The following PCDHA3 variants were observed in gnomAD, a reference collection of about 807,000 sequenced individuals.
PCDHA3 encodes the protein protocadherin alpha-3.
In PCDHA3, 41 loss-of-function variants were observed where a neutral mutation model predicts 62.2. That is an observed-to-expected ratio of 0.66 (90% CI 0.51 to 0.86). The LOEUF (loss-of-function observed/expected upper bound fraction) is 0.86. Among genes scored for constraint, PCDHA3 ranks in the 40% least tolerant of loss-of-function variants. The pLI is 0.00. For synonymous variants in PCDHA3, 640 were observed against 555.4 expected, an observed-to-expected ratio of 1.15 and a Z score of -2.14; for missense variants, 1,304 against 1,241.2, an observed-to-expected ratio of 1.05 and a Z score of -0.76.
At chr5:140,928,337 AT>A (rs549164954) in intron 1 of PCDHA3, 7 of 1,613,944 alleles carry the variant, frequency 4.3e-6, no homozygotes, top group Non-Finnish European at 5.9e-6. Flanking sequence ...CTTGTCTCTT[AT>A]GAGCTGTTGG....
At chr5:140,991,109 C>A (rs987847767) in intron 3 of PCDHA3, among the ~76,000 whole-genome samples, 1 of 152,156 alleles carries the variant, frequency 6.6e-6, no homozygotes, top group Non-Finnish European at 1.5e-5. Flanking sequence ...AATTAAGTGG[C>A]TTTCTTACAT....
At chr5:140,880,663 G>A (rs1324939406) in intron 1 of PCDHA3, among the ~76,000 whole-genome samples, 1 of 152,210 alleles carries the variant, frequency 6.6e-6, no homozygotes, top group African/African-American at 2.4e-5. Flanking sequence ...AGGTAAAGGT[G>A]AGAGTAAATT....
chr5:140,801,759 G>A lies in PCDHA3; in HGVS notation c.562G>A (p.Glu188Lys), dbSNP rs782260016. The change falls in exon 1 of 4, where the codon GAA becomes AAA. Residue 188 changes from glutamate to lysine, a missense_variant. Transcript: ENST00000522353. ...FTLDVKRNDE[E>K]IKSLGLVLKK... is the part of the protein sequence containing the mutation. ...CTTGGACGTTAAAAGAAATGATGAG[G>A]AAATTAAATCCCTTGGACTCGTGTT... 1 of 1,613,810 alleles carries A rather than the reference G, an allele frequency of 6.2e-7. No homozygotes were observed. The highest frequency in any genetic ancestry group is 8.5e-7 in the Non-Finnish European group (1 of 1,179,936).
chr5:140,839,339 G>C (rs2085813499), intron 1 of PCDHA3, among the ~76,000 whole-genome samples: 1 of 150,974 alleles, frequency 6.6e-6, no homozygotes, highest in Non-Finnish European at 1.5e-5. Context: ...GAAGTTGATA[G>C]GGGATCCTCC....
At chr5:140,864,479 C>T (rs1272499335) in intron 1 of PCDHA3, 1 of 152,160 alleles carries the variant, frequency 6.6e-6, no homozygotes, top group Non-Finnish European at 1.5e-5. Flanking sequence ...ATGTTGATTG[C>T]AGTGGGTGGA....
chr5:140,896,192 C>G (rs369443676), intron 1 of PCDHA3, among the ~76,000 whole-genome samples: 1 of 152,162 alleles, frequency 6.6e-6, no homozygotes, highest in African/African-American at 2.4e-5. Context: ...TGAATAGTGC[C>G]ATGATGAACA....
intron 1 of PCDHA3, among the ~76,000 whole-genome samples, chr5:140,911,441 T>C (rs2075476385): frequency 6.6e-6 from 1 of 152,154 alleles, no homozygotes. Context: ...TTTCCCGCAA[T>C]TTCAGCTCTT....
chr5:141,007,812 G>C (rs1446053616), intron 3 of PCDHA3, among the ~76,000 whole-genome samples: 2 of 152,078 alleles, frequency 1.3e-5, no homozygotes, highest in Non-Finnish European at 2.9e-5. Context: ...CCATTCATTT[G>C]CCTTCCCCCA....
At chr5:140,983,239 C>A (rs557831259) in intron 3 of PCDHA3, among the ~76,000 whole-genome samples, 53 of 152,294 alleles carry the variant, frequency 3.5e-4, no homozygotes, top group African/African-American at 1.2e-3. Context: ...GGAAAGAGAA[C>A]CTGCTAAGTT....
chr5:140,883,222 A>T lies in PCDHA3; in HGVS notation c.2394+79631A>T, dbSNP rs1164969110. ...TCGAAGAAAAGAAATTATATGAAATATCCGTGGAGGCAGTTGACAAAGGAA... is the reference window on the plus strand; with the variant it reads ...TCGAAGAAAAGAAATTATATGAAATTTCCGTGGAGGCAGTTGACAAAGGAA... On this transcript the variant is annotated intron_variant, in intron 1 of 3. Transcript: ENST00000522353. 8.7e-6 allele frequency: 14 copies of T among 1,613,970 alleles called. No homozygotes were observed. The African/African-American group carries it at 1.7e-4, about 20-fold the overall frequency.
chr5:140,835,725 G>C (rs2150243206), intron 1 of PCDHA3: 1 of 1,613,874 alleles, frequency 6.2e-7, no homozygotes. Context: ...GGTGGCCGAC[G>C]TGAACGACAA....
rs782172629 is a variant in PCDHA3, at chr5:140,803,281, A to G, written c.2084A>G (p.Asp695Gly). 3 of 1,614,042 alleles carry G rather than the reference A, an allele frequency of 1.9e-6. No homozygotes were observed. In the Middle Eastern group the frequency reaches 4.9e-4, roughly 266 times the overall value. The change falls in exon 1 of 4, where the codon GAT becomes GGT. Residue 695 changes from aspartate (D) to glycine (G), a missense_variant. Transcript: ENST00000522353. ...GATGPEAALV[D>G]VNVYLIVAIC... ...ACGGGCCCGGAAGCTGCACTGGTGGATGTCAACGTGTACTTGATCGTCGCC... is the reference window on the plus strand; with the variant it reads ...ACGGGCCCGGAAGCTGCACTGGTGGGTGTCAACGTGTACTTGATCGTCGCC...
intron 1 of PCDHA3, among the ~76,000 whole-genome samples, chr5:140,872,206 T>A (rs2053543474): frequency 1.3e-5 from 2 of 152,340 alleles, no homozygotes; most frequent in Middle Eastern, 6.8e-3. Flanking sequence ...CATAAATTCA[T>A]TATATATGAA....
Position 140,834,387 on chromosome 5 carries a change from G to A in PCDHA3, c.2394+30796G>A, listed in dbSNP as rs141534918. The A allele has an allele frequency of 6.3e-5, 99 of 1,583,890 alleles. No homozygotes were observed. Among genetic ancestry groups the A allele is most frequent in the Non-Finnish European group, 8.4e-5 (98 of 1,164,446 alleles). ...AAAAACAAGCCAATAATTTGAAATG[G>A]TGTGCCCGAATGGATACGACCCAGG... On this transcript the variant is annotated intron_variant, in intron 1 of 3. Coordinates refer to ENST00000522353, the MANE Select transcript of PCDHA3 (RefSeq NM_018906.3).
intron 1 of PCDHA3, among the ~76,000 whole-genome samples, chr5:140,902,501 A>G (rs1264806549): frequency 1.3e-5 from 2 of 152,020 alleles, no homozygotes; most frequent in Admixed American, 6.6e-5. Context: ...ACTAGCTGTG[A>G]GTCTGTCATA....
At position 140,801,931 on chromosome 5, in the gene PCDHA3, C is replaced by A. The variant is rs1554121771; in HGVS notation, c.734C>A (p.Thr245Lys). 5 of 1,614,026 alleles carry A rather than the reference C, an allele frequency of 3.1e-6. No individual in the cohort carries two copies. The highest frequency in any genetic ancestry group is 1.7e-5 in the Admixed American group (1 of 59,996). The change falls in exon 1 of 4, where the codon ACG becomes AAG. Residue 245 changes from threonine to lysine, a missense_variant. By Grantham distance (78) the Thr-to-Lys change is moderately conservative. Coordinates refer to ENST00000522353, the MANE Select transcript of PCDHA3 (RefSeq NM_018906.3). ...GACAACGCCCCAGCGTTTGAGAGGACGATCTATAAAGTCAGATTACTCGAA... is the reference window on the plus strand; with the variant it reads ...GACAACGCCCCAGCGTTTGAGAGGAAGATCTATAAAGTCAGATTACTCGAA... ...VNDNAPAFER[T>K]IYKVRLLENA...
At chr5:140,960,446 T>C (rs1563310715) in intron 1 of PCDHA3, among the ~76,000 whole-genome samples, 2 of 152,204 alleles carry the variant, frequency 1.3e-5, no homozygotes, top group African/African-American at 4.8e-5. Context: ...GATATATGTA[T>C]GGATAATTTT....
intron 1 of PCDHA3, chr5:140,866,360 T>C (rs2049301570): frequency 6.6e-6 from 1 of 152,128 alleles, no homozygotes; most frequent in South Asian, 2.1e-4. Context: ...GTTTACAATA[T>C]TGCATACTTC....
chr5:140,869,570 G>A, intron 1 of PCDHA3: 1 of 1,614,148 alleles, frequency 6.2e-7, no homozygotes. Flanking sequence ...CCACTAGAGG[G>A]AGCTTCTGAT....
Sources: gnomAD v4.1 joint callset for allele counts (sites outside exome capture counted in the v4.1 genomes callset) on GRCh38, gnomAD v4.1.1 for gene constraint, MANE v1.5 for transcripts, NCBI Gene and HGNC (gene_info 2026-07-23, HGNC 2026-07-21) for gene names.